Variants in PSMG2 observed in about 807,000 individuals in gnomAD.
PSMG2 encodes the protein proteasome assembly chaperone 2.
Under a neutral mutation model 31.5 loss-of-function variants are expected in PSMG2, and 21 were observed. That is an observed-to-expected ratio of 0.67 (90% CI 0.47 to 0.96). PSMG2 has a LOEUF of 0.96. Ranked by LOEUF, PSMG2 falls within the 40% of genes least tolerant of loss-of-function variation. The pLI is 0.00. For missense variants in PSMG2, 318 were observed against 321.2 expected, an observed-to-expected ratio of 0.99 and a Z score of 0.08; for synonymous variants, 120 against 110.4, an observed-to-expected ratio of 1.09 and a Z score of -0.54.
At chr18:12,662,158 A>G (rs1948864151) in intron 1 of PSMG2, 1 of 451,146 alleles carries the variant, frequency 2.2e-6, no homozygotes, top group Non-Finnish European at 4.4e-6. Context: ...TGCTCCTAAG[A>G]GGCACATTCA....
At chr18:12,711,771 T>TTTTTA (rs2040334485) in intron 2 of PSMG2, among the ~76,000 whole-genome samples, 1 of 141,882 alleles carries the variant, frequency 7.0e-6, no homozygotes, top group Admixed American at 7.0e-5. Context: ...TTTTTTTTTT[T>TTTTTA]GAGATGGAGT....
At chr18:12,687,760 C>G (rs545017175) in intron 1 of PSMG2, among the ~76,000 whole-genome samples, 16 of 151,602 alleles carry the variant, frequency 1.1e-4, no homozygotes, top group African/African-American at 3.6e-4. Context: ...GCCTAGAGGG[C>G]ACCGATTTTT....
intron 3 of PSMG2, among the ~76,000 whole-genome samples, chr18:12,715,388 G>C: frequency 6.6e-6 from 1 of 152,212 alleles, no homozygotes; most frequent in Non-Finnish European, 1.5e-5. Flanking sequence ...CATGCACATA[G>C]AGAAGCTCTC....
At chr18:12,700,045 A>ATTT (rs1598668030), upstream of PSMG2, 1 of 455,360 alleles carries the variant, frequency 2.2e-6, no homozygotes, top group East Asian at 3.5e-5. Context: ...TTCCTAGCCT[A>ATTT]ATTAAAATAA....
intron 1 of PSMG2, chr18:12,673,310 ACAATGTGTAAAATT>A: frequency 6.4e-7 from 1 of 1,559,704 alleles, no homozygotes; most frequent in Non-Finnish European, 8.6e-7. Flanking sequence ...TAAGTAATGT[ACAATGTGTAAAATT>A]CCAATTAAAC....
chr18:12,673,395 C>T, intron 1 of PSMG2: 1 of 1,606,392 alleles, frequency 6.2e-7, no homozygotes, highest in Non-Finnish European at 8.5e-7. Context: ...TACAAGCAAA[C>T]ATGATCCAAA....
chr18:12,708,904 G>A (rs961733265), intron 2 of PSMG2, among the ~76,000 whole-genome samples: 1 of 151,120 alleles, frequency 6.6e-6, no homozygotes, highest in Non-Finnish European at 1.5e-5. Flanking sequence ...TAAAGATGGG[G>A]TTTCGCCATG....
At chr18:12,716,127 A>AT (rs1287996265) in intron 3 of PSMG2, among the ~76,000 whole-genome samples, 4 of 151,936 alleles carry the variant, frequency 2.6e-5, no homozygotes, top group African/African-American at 9.7e-5. Context: ...ATAAGCCATA[A>AT]TTTTTCCATG....
chr18:12,707,350 T>A (rs2040279718), intron 2 of PSMG2, among the ~76,000 whole-genome samples: 2 of 152,196 alleles, frequency 1.3e-5, no homozygotes, highest in African/African-American at 4.8e-5. Context: ...CTGTTCTTAC[T>A]GGTATGTGTA....
At chr18:12,709,589 C>G (rs1439746665) in intron 2 of PSMG2, among the ~76,000 whole-genome samples, 1 of 151,980 alleles carries the variant, frequency 6.6e-6, no homozygotes, top group East Asian at 1.9e-4. Context: ...ACCTCCACCT[C>G]CCGGGTTCAA....
chr18:12,673,603 G>A, intron 1 of PSMG2: 2 of 947,796 alleles, frequency 2.1e-6, no homozygotes, highest in Non-Finnish European at 3.1e-6. Context: ...TTTCAGGCTA[G>A]GCGTGGTGGC....
chr18:12,721,947 A>G (rs1432668339), intron 5 of PSMG2, among the ~76,000 whole-genome samples: 2 of 151,722 alleles, frequency 1.3e-5, no homozygotes, highest in Admixed American at 6.6e-5. Context: ...TCATCTCAGT[A>G]TTTTCTCATT....
chr18:12,698,749 A>G, upstream of PSMG2: 1 of 535,190 alleles, frequency 1.9e-6, no homozygotes, highest in Non-Finnish European at 3.3e-6. Flanking sequence ...GTGTATTACT[A>G]AAGAATCAAC....
intron 5 of PSMG2, among the ~76,000 whole-genome samples, chr18:12,722,450 A>C (rs1465720482): frequency 2.6e-5 from 4 of 152,160 alleles, no homozygotes; most frequent in Non-Finnish European, 4.4e-5. Context: ...AGGGCAGAGA[A>C]TCCGAGGGCA....
chr18:12,702,732 G>T, upstream of PSMG2: 1 of 625,184 alleles, frequency 1.6e-6, no homozygotes, highest in Non-Finnish European at 2.7e-6. Context: ...ATGAGGCCCC[G>T]GCGGCGGCGG....
chr18:12,687,306 C>T (rs1323517750), intron 1 of PSMG2, among the ~76,000 whole-genome samples: 1 of 152,058 alleles, frequency 6.6e-6, no homozygotes, highest in Non-Finnish European at 1.5e-5. Flanking sequence ...ACATCTTTTT[C>T]CAATATAGTC....
chr18:12,707,209 C>T (rs1891755583), intron 2 of PSMG2, among the ~76,000 whole-genome samples: 1 of 152,200 alleles, frequency 6.6e-6, no homozygotes, highest in African/African-American at 2.4e-5. Flanking sequence ...CCAACCGCCT[C>T]AGCCTTCCAA....
At chr18:12,677,026 A>G (rs2039159890) in intron 1 of PSMG2, among the ~76,000 whole-genome samples, 1 of 152,222 alleles carries the variant, frequency 6.6e-6, no homozygotes, top group Non-Finnish European at 1.5e-5. Context: ...CCCACCCCAC[A>G]GCTTCAATCT....
chr18:12,711,716 G>C (rs1004932809), intron 2 of PSMG2, among the ~76,000 whole-genome samples: 3 of 149,866 alleles, frequency 2.0e-5, no homozygotes. Context: ...TGTCCTTAGA[G>C]AGTATTTTAT....
Sources: gnomAD v4.1 joint callset for allele counts (sites outside exome capture counted in the v4.1 genomes callset) on GRCh38, gnomAD v4.1.1 for gene constraint, MANE v1.5 for transcripts, NCBI Gene and HGNC (gene_info 2026-07-23, HGNC 2026-07-21) for gene names.